Variants in CABLES1 observed in about 807,000 individuals in gnomAD.
CABLES1 encodes the protein CDK5 and ABL1 enzyme substrate 1.
CABLES1 carries 36 observed loss-of-function variants against 57.8 expected under a neutral mutation model. The observed-to-expected ratio is 0.62, with a 90% confidence interval of 0.48 to 0.82. The LOEUF (loss-of-function observed/expected upper bound fraction) is 0.82, where lower values mean the gene tolerates loss of function less well. Ranked by LOEUF, CABLES1 falls within the 40% of genes least tolerant of loss-of-function variation. CABLES1 has a pLI of 0.00. For synonymous variants in CABLES1, 374 were observed against 363.0 expected (o/e 1.03, Z -0.35); for missense variants, 767 against 836.6 (o/e 0.92, Z 1.03).
rs869108601 is a variant in CABLES1, at chr18:23,186,423, C to CT, written c.846-2400dup. On this transcript the variant is annotated intron_variant, in intron 1 of 9. Coordinates refer to ENST00000256925, the MANE Select transcript of CABLES1 (RefSeq NM_001100619.3). ...TAAGGAGCTTGCTTTCTTTTCTCTT[C>CT]TTTTTTTTTTTTTTTCCCCAAGACG... Among the ~76,000 whole-genome samples, 652 of 143,370 alleles carry CT rather than the reference C, an allele frequency of 4.5e-3. 1 individual carries two copies. The highest frequency in any genetic ancestry group is 0.015 in the Middle Eastern group (4 of 272). 94.1% of individuals were successfully genotyped at this position (143,370 alleles called of 152,430 possible).
chr18:23,210,792 T>C (rs1461753023), intron 3 of CABLES1, among the ~76,000 whole-genome samples: 4 of 152,166 alleles, frequency 2.6e-5, no homozygotes, highest in Non-Finnish European at 5.9e-5. Flanking sequence ...GCAAACCGTC[T>C]GCAGAGCCTC....
intron 3 of CABLES1, among the ~76,000 whole-genome samples, chr18:23,196,651 T>C (rs896226759): frequency 2.0e-5 from 3 of 152,148 alleles, no homozygotes; most frequent in Non-Finnish European, 4.4e-5. Context: ...GTGAGCCCAG[T>C]CCCTGAAATG....
chr18:23,248,878 T>C (rs982414376), intron 7 of CABLES1, among the ~76,000 whole-genome samples: 3 of 152,212 alleles, frequency 2.0e-5, no homozygotes, highest in Non-Finnish European at 2.9e-5. Context: ...ACTAGAATCA[T>C]TGAGGAGGCT....
intron 7 of CABLES1, among the ~76,000 whole-genome samples, chr18:23,242,047 G>C (rs551965622): frequency 6.6e-6 from 1 of 152,124 alleles, no homozygotes; most frequent in Non-Finnish European, 1.5e-5. Context: ...AGGCCGAGGC[G>C]GGTGGATCAC....
At chr18:23,146,234 A>T (rs1449702471) in intron 1 of CABLES1, among the ~76,000 whole-genome samples, 1 of 152,242 alleles carries the variant, frequency 6.6e-6, no homozygotes, top group Non-Finnish European at 1.5e-5. Flanking sequence ...CAAAGTCTAA[A>T]GTTTTTTGCT....
chr18:23,171,750 C>T (rs578176521), intron 1 of CABLES1, among the ~76,000 whole-genome samples: 13 of 152,290 alleles, frequency 8.5e-5, no homozygotes, highest in South Asian at 4.1e-4. Flanking sequence ...CACTCACCCA[C>T]GACTTGCGTC....
At chr18:23,139,171 G>A (rs2046842118) in intron 1 of CABLES1, among the ~76,000 whole-genome samples, 1 of 152,080 alleles carries the variant, frequency 6.6e-6, no homozygotes, top group Non-Finnish European at 1.5e-5. Context: ...GGAGGCCGAG[G>A]CAGGTGGATC....
intron 4 of CABLES1, among the ~76,000 whole-genome samples, chr18:23,218,355 CATCCT>C (rs2047458701): frequency 1.2e-5 from 1 of 85,570 alleles, no homozygotes; most frequent in African/African-American, 5.2e-5. Context: ...CTGCCTCCCG[CATCCT>C]CACTTGCCCT....
At chr18:23,215,247 G>C (rs1568071222) in intron 4 of CABLES1, among the ~76,000 whole-genome samples, 1 of 152,190 alleles carries the variant, frequency 6.6e-6, no homozygotes, top group Non-Finnish European at 1.5e-5. Context: ...GCTGCCCAGA[G>C]AGATGTTTTC....
intron 3 of CABLES1, among the ~76,000 whole-genome samples, chr18:23,195,401 G>A (rs894447017): frequency 2.0e-5 from 3 of 152,172 alleles, no homozygotes; most frequent in Non-Finnish European, 1.5e-5. Context: ...AAGACCATAT[G>A]GGCCCCACTA....
At chr18:23,224,400 A>G (rs956297248) in intron 4 of CABLES1, among the ~76,000 whole-genome samples, 4 of 152,100 alleles carry the variant, frequency 2.6e-5, no homozygotes, top group Non-Finnish European at 5.9e-5. Flanking sequence ...GTCCTGGGAA[A>G]TGAACTAGCC....
chr18:23,246,599 G>A lies in CABLES1; in HGVS notation c.1447-6361G>A, dbSNP rs1036757574. On this transcript the variant is annotated intron_variant, in intron 7 of 9. Transcript: ENST00000256925. ...GTAGAGATGGGGTTTCACCGTGTTAGCCAGGATGGTCTCGATCTCCTGACC... is the reference window on the plus strand; with the variant it reads ...GTAGAGATGGGGTTTCACCGTGTTAACCAGGATGGTCTCGATCTCCTGACC... Among the ~76,000 whole-genome samples, 12 of 151,872 alleles carry A rather than the reference G, an allele frequency of 7.9e-5. No homozygotes were observed. In the East Asian group the frequency reaches 9.8e-4, roughly 12 times the overall value.
chr18:23,250,132 TC>T (rs1267936932), intron 7 of CABLES1, among the ~76,000 whole-genome samples: 3 of 152,194 alleles, frequency 2.0e-5, no homozygotes, highest in East Asian at 1.9e-4. Context: ...TCCAGTCCCC[TC>T]CCACAGGCAC....
At chr18:23,246,582 G>A (rs564913494) in intron 7 of CABLES1, among the ~76,000 whole-genome samples, 2,767 of 151,864 alleles carry the variant, frequency 0.018, 37 homozygotes, top group African/African-American at 0.026. Context: ...TAGTAGAGAT[G>A]GGGTTTCACC....
intron 1 of CABLES1, among the ~76,000 whole-genome samples, chr18:23,150,765 C>T (rs141766140): frequency 1.1e-4 from 17 of 151,848 alleles, no homozygotes; most frequent in African/African-American, 1.7e-4. Flanking sequence ...AAGGCTTTCT[C>T]GGGAAGATGA....
Position 23,257,439 on chromosome 18 carries a change from A to G in CABLES1, c.*72A>G. Reference sequence around the variant, plus strand: ...GAGCAGCACTTACTTACTACTGGAAATGAAAAAAAGTAGAACTCAGAATAC... The same window carrying G: ...GAGCAGCACTTACTTACTACTGGAAGTGAAAAAAAGTAGAACTCAGAATAC... On this transcript the variant is annotated 3_prime_UTR_variant, in exon 10 of 10. Coordinates refer to ENST00000256925, the MANE Select transcript of CABLES1 (RefSeq NM_001100619.3). 1.4e-6 allele frequency: 2 copies of G among 1,481,350 alleles called. No homozygotes were observed. The highest frequency in any genetic ancestry group is 1.8e-6 in the Non-Finnish European group (2 of 1,109,328). 91.8% of individuals were successfully genotyped at this position (1,481,350 alleles called of 1,614,324 possible).
rs895882213 is a variant in CABLES1, at chr18:23,259,172, G to C, written c.*1805G>C. On this transcript the variant is annotated 3_prime_UTR_variant, in exon 10 of 10. Transcript: ENST00000256925. The stretch of plus-strand genomic sequence containing the variant: ...CCTTGGCCTTCCTCACATGGGGTCT[G>C]TCACCTTGCATCTCTGATAAGCCAT... The C allele has an allele frequency of 5.3e-5, 8 of 152,272 alleles. No homozygotes were observed. The highest frequency in any genetic ancestry group is 1.4e-4 in the African/African-American group (6 of 41,456). 9.4% of individuals were successfully genotyped at this position (152,272 alleles called of 1,614,324 possible).
At chr18:23,201,184 A>T (rs2047322913) in intron 3 of CABLES1, among the ~76,000 whole-genome samples, 1 of 152,266 alleles carries the variant, frequency 6.6e-6, no homozygotes, top group Admixed American at 6.5e-5. Context: ...ATTATAGCGC[A>T]GGATACAGAT....
At chr18:23,168,042 T>C (rs1211470072) in intron 1 of CABLES1, among the ~76,000 whole-genome samples, 1 of 152,208 alleles carries the variant, frequency 6.6e-6, no homozygotes, top group Non-Finnish European at 1.5e-5. Flanking sequence ...CCCTACTCCT[T>C]TCATGCTGGA....
Sources: gnomAD v4.1 joint callset for allele counts (sites outside exome capture counted in the v4.1 genomes callset) on GRCh38, gnomAD v4.1.1 for gene constraint, MANE v1.5 for transcripts, NCBI Gene and HGNC (gene_info 2026-07-23, HGNC 2026-07-21) for gene names.